TRABD2A: variants seen among roughly 807,000 people sequenced by gnomAD.
TRABD2A encodes the protein metalloprotease TIKI1.
A neutral mutation model predicts 45.6 loss-of-function variants in TRABD2A; 43 were observed. The observed-to-expected ratio is 0.94, with a 90% CI of 0.74 to 1.22. The LOEUF (loss-of-function observed/expected upper bound fraction) is 1.22, where lower values mean the gene tolerates loss of function less well. TRABD2A is among the 50% of genes most tolerant of loss of function. TRABD2A has a pLI of 0.00. For missense variants in TRABD2A, 642 were observed against 652.4 expected, an observed-to-expected ratio of 0.98 and a Z score of 0.17; for synonymous variants, 269 against 265.0, an observed-to-expected ratio of 1.02 and a Z score of -0.15.
At chr2:84,862,614 TG>T (rs1420498735) in intron 2 of TRABD2A, among the ~76,000 whole-genome samples, 1 of 152,070 alleles carries the variant, frequency 6.6e-6, no homozygotes, top group African/African-American at 2.4e-5. Flanking sequence ...TACCTATTCT[TG>T]GTTTTTTTTA....
intron 1 of TRABD2A, among the ~76,000 whole-genome samples, chr2:84,879,182 CTTTTTTTTTT>C (rs34005884): frequency 1.5e-5 from 2 of 137,010 alleles, no homozygotes; most frequent in Non-Finnish European, 3.2e-5. Context: ...GTTTTCAATA[CTTTTTTTTTT>C]TTTTTTTTGG....
At chr2:84,866,048 C>T (rs1459416254) in intron 2 of TRABD2A, among the ~76,000 whole-genome samples, 1 of 152,242 alleles carries the variant, frequency 6.6e-6, no homozygotes, top group African/African-American at 2.4e-5. Context: ...CAAATCCAGG[C>T]ATCCGTGTCA....
chr2:84,849,607 AC>A (rs1372108365), intron 2 of TRABD2A: 3 of 152,050 alleles, frequency 2.0e-5, no homozygotes, highest in African/African-American at 7.3e-5. Context: ...ATGAATCTCC[AC>A]CTACCTCCAC....
At chr2:84,831,947 G>A (rs1393402949) in intron 5 of TRABD2A, 108 bp downstream of exon 5, 13 of 1,071,266 alleles carry the variant, frequency 1.2e-5, no homozygotes, top group Admixed American at 5.6e-5. Flanking sequence ...GGGAAATGAC[G>A]AGGCAGGGGT....
At chr2:84,870,109 A>T in intron 2 of TRABD2A, 116 bp downstream of exon 2, 1 of 1,107,554 alleles carries the variant, frequency 9.0e-7, no homozygotes, top group Non-Finnish European at 1.3e-6. Context: ...AAGCATTTTT[A>T]AGCAAAGACA....
At chr2:84,880,758 G>C (rs1191277313) in intron 1 of TRABD2A, among the ~76,000 whole-genome samples, 174 bp downstream of exon 1, 2 of 152,206 alleles carry the variant, frequency 1.3e-5, no homozygotes, top group Admixed American at 6.5e-5. Context: ...CGCGGGAAAG[G>C]GGAACCCGAG....
intron 2 of TRABD2A, among the ~76,000 whole-genome samples, chr2:84,858,071 T>A (rs1248619751): frequency 1.3e-5 from 2 of 151,990 alleles, no homozygotes; most frequent in African/African-American, 4.8e-5. Flanking sequence ...GACGGGGTCT[T>A]GTTATGTTAC....
intron 4 of TRABD2A, chr2:84,838,230 G>C (rs1226724066): frequency 1.4e-6 from 1 of 717,566 alleles, no homozygotes; most frequent in Non-Finnish European, 2.6e-6. Flanking sequence ...GATTTTCAAG[G>C]CTACTGTGAA....
intron 6 of TRABD2A, 44 bp downstream of exon 6, chr2:84,823,909 A>G: frequency 1.9e-6 from 3 of 1,604,914 alleles, no homozygotes; most frequent in South Asian, 2.2e-5. Context: ...TCCGCTCACT[A>G]GGGTAAAGGT....
At chr2:84,841,051 C>T (rs1681693205) in intron 3 of TRABD2A, among the ~76,000 whole-genome samples, 1 of 152,212 alleles carries the variant, frequency 6.6e-6, no homozygotes, top group Non-Finnish European at 1.5e-5. Context: ...TAGCTCCTGT[C>T]TCCCCTCTCC....
In TRABD2A at chr2:84,821,999, G is replaced by A. The variant is rs749729117; in HGVS notation, c.1436C>T (p.Ala479Val). Residue 479 changes from alanine to valine, a missense_variant, in exon 7 of 7, where the codon GCC becomes GTC. Ala to Val is a moderately conservative substitution (Grantham distance 64, BLOSUM62 0). Coordinates refer to ENST00000409520, the MANE Select transcript of TRABD2A (RefSeq NM_001277053.2). Reference protein sequence around the residue: ...RGHSHHSQMVASSACLSLWTP... With the variant: ...RGHSHHSQMVVSSACLSLWTP... ...CCAGAGAGACAGGCAGGCACTGCTG[G>A]CCACCATCTGGCTGTGGTGGGAATG... 2 of 1,599,382 alleles carry A rather than the reference G, an allele frequency of 1.3e-6. No individual in the cohort carries two copies. Among genetic ancestry groups the A allele is most frequent in the Admixed American group, 1.7e-5 (1 of 57,848 alleles).
At chr2:84,853,824 A>C (rs985379157) in intron 2 of TRABD2A, among the ~76,000 whole-genome samples, 1 of 152,210 alleles carries the variant, frequency 6.6e-6, no homozygotes, top group Non-Finnish European at 1.5e-5. Context: ...TTTCGAGACC[A>C]GCCTGGCCAA....
At chr2:84,829,273 G>A (rs1681239592) in intron 5 of TRABD2A, among the ~76,000 whole-genome samples, 1 of 151,942 alleles carries the variant, frequency 6.6e-6, no homozygotes, top group Non-Finnish European at 1.5e-5. Flanking sequence ...CTCCTAGAGA[G>A]CTTCTAAAAA....
chr2:84,858,275 T>A (rs1682380980), intron 2 of TRABD2A, among the ~76,000 whole-genome samples: 1 of 146,082 alleles, frequency 6.8e-6, no homozygotes. Flanking sequence ...TCCAACATCG[T>A]CTCCCACCAG....
chr2:84,862,048 G>GC (rs1682518203), intron 2 of TRABD2A, among the ~76,000 whole-genome samples: 1 of 152,190 alleles, frequency 6.6e-6, no homozygotes, highest in South Asian at 2.1e-4. Flanking sequence ...CCCGTGGCAT[G>GC]ACGTGATGCT....
chr2:84,841,112 T>TCC (rs1681696374), intron 3 of TRABD2A, among the ~76,000 whole-genome samples: 1 of 152,158 alleles, frequency 6.6e-6, no homozygotes, highest in African/African-American at 2.4e-5. Context: ...AACAACACAC[T>TCC]CCCCTACCTC....
chr2:84,845,166 C>T (rs1000332562), intron 2 of TRABD2A, among the ~76,000 whole-genome samples: 12 of 152,230 alleles, frequency 7.9e-5, no homozygotes, highest in African/African-American at 2.6e-4. Context: ...GCCTGGCCAA[C>T]ATGGTAAAAC....
chr2:84,841,251 A>G (rs1681700346), intron 3 of TRABD2A, among the ~76,000 whole-genome samples: 2 of 152,246 alleles, frequency 1.3e-5, no homozygotes, highest in Admixed American at 1.3e-4. Flanking sequence ...TCCTGGAAGG[A>G]GACCATGATC....
chr2:84,841,203 T>C (rs2105381676), intron 3 of TRABD2A, among the ~76,000 whole-genome samples: 1 of 152,326 alleles, frequency 6.6e-6, no homozygotes, highest in African/African-American at 2.4e-5. Flanking sequence ...ATGGGAAGCC[T>C]GTTGATAAAA....
Sources: allele counts gnomAD v4.1 joint callset (sites outside exome capture counted in the v4.1 genomes callset), GRCh38; gene constraint gnomAD v4.1.1; transcripts MANE v1.5; gene names NCBI Gene and HGNC (gene_info 2026-07-23, HGNC 2026-07-21).